The following PTPRT variants were observed in gnomAD, a reference collection of about 807,000 sequenced individuals.
PTPRT encodes the protein protein tyrosine phosphatase receptor type T.
In PTPRT, 56 loss-of-function variants were observed where a neutral mutation model predicts 176.8. The observed-to-expected ratio is 0.32, with a 90% CI of 0.26 to 0.40. The LOEUF (loss-of-function observed/expected upper bound fraction) is 0.40. Ranked by LOEUF, PTPRT falls within the 10% of genes least tolerant of loss-of-function variation. The probability of loss-of-function intolerance (pLI) is 1.00; values close to 1 mark genes in which losing one functional copy is unlikely to be tolerated. For synonymous variants in PTPRT, 783 were observed against 739.0 expected (o/e 1.06, Z -0.96); for missense variants, 1,540 against 1,908.2 (o/e 0.81, Z 3.60).
At chr20:42,360,260 A>G (rs1451185205) in intron 9 of PTPRT, among the ~76,000 whole-genome samples, 1 of 152,048 alleles carries the variant, frequency 6.6e-6, no homozygotes, top group Non-Finnish European at 1.5e-5. Context: ...TGCTCCCTCC[A>G]CCAACACCTC....
In PTPRT at chr20:42,073,706, T is replaced by C. The variant is rs1014995681; in HGVS notation, c.*7173A>G. 1 of 224,598 alleles carries C rather than the reference T, an allele frequency of 4.5e-6. No homozygotes were observed. Among genetic ancestry groups the C allele is most frequent in the Non-Finnish European group, 8.9e-6 (1 of 112,614 alleles). 13.9% of individuals were successfully genotyped at this position (224,598 alleles called of 1,614,324 possible). On this transcript the variant is annotated 3_prime_UTR_variant, in exon 31 of 31. Coordinates refer to ENST00000373187, the MANE Select transcript of PTPRT (RefSeq NM_007050.6). ...CAGTATATGTGGCCACAACAGCATG[T>C]TGGCCTGCTCAGTGGGGGCACTTGG...
At chr20:42,392,746 A>C (rs913323293) in intron 9 of PTPRT, among the ~76,000 whole-genome samples, 1 of 152,198 alleles carries the variant, frequency 6.6e-6, no homozygotes, top group African/African-American at 2.4e-5. Context: ...AGCTTTCAGA[A>C]GGTGGAATTC....
intron 7 of PTPRT, among the ~76,000 whole-genome samples, chr20:42,548,127 T>A (rs1416313004): frequency 6.6e-6 from 1 of 152,070 alleles, no homozygotes. Context: ...TACAATGATA[T>A]AACAAATGTG....
At chr20:42,406,325 T>C (rs1015318222) in intron 9 of PTPRT, among the ~76,000 whole-genome samples, 1 of 151,906 alleles carries the variant, frequency 6.6e-6, no homozygotes, top group African/African-American at 2.4e-5. Context: ...GAGTATAACA[T>C]ATTAAAAAAG....
At chr20:42,394,592 G>A (rs996585783) in intron 9 of PTPRT, among the ~76,000 whole-genome samples, 9 of 152,110 alleles carry the variant, frequency 5.9e-5, no homozygotes, top group East Asian at 1.9e-4. Flanking sequence ...AAGCAATTCC[G>A]CAGCTTAGGA....
intron 2 of PTPRT, among the ~76,000 whole-genome samples, chr20:42,843,653 A>C (rs528762062): frequency 2.4e-3 from 372 of 152,242 alleles, no homozygotes; most frequent in Non-Finnish European, 4.3e-3. Flanking sequence ...GGGGCAGAGC[A>C]CTCCCTCAGG....
intron 13 of PTPRT, among the ~76,000 whole-genome samples, chr20:42,275,068 A>G (rs553128073): frequency 6.6e-6 from 1 of 152,222 alleles, no homozygotes; most frequent in South Asian, 2.1e-4. Flanking sequence ...CCCATCATTA[A>G]GTAATAACGA....
Position 43,117,089 on chromosome 20 carries a change from A to G in PTPRT, c.88+72557T>C, listed in dbSNP as rs1368674102. Among the ~76,000 whole-genome samples, 25 of 152,150 alleles carry G rather than the reference A, an allele frequency of 1.6e-4. 1 individual carries two copies. The highest frequency in any genetic ancestry group is 1.6e-3 in the Admixed American group (25 of 15,286). ...ATGTGTGTTTCTCATGGCAATGACC[A>G]AAACACAAAAGGGGCAAGCAGAGAC... On this transcript the variant is annotated intron_variant, in intron 1 of 30. Coordinates refer to ENST00000373187, the MANE Select transcript of PTPRT (RefSeq NM_007050.6).
At chr20:42,559,762 T>C (rs1208099151) in intron 7 of PTPRT, among the ~76,000 whole-genome samples, 1 of 152,198 alleles carries the variant, frequency 6.6e-6, no homozygotes, top group Non-Finnish European at 1.5e-5. Context: ...ATAATGCAAT[T>C]GTACTTAGCC....
intron 15 of PTPRT, among the ~76,000 whole-genome samples, chr20:42,217,416 CACACACACAG>C (rs1443619692): frequency 2.4e-4 from 22 of 90,228 alleles, no homozygotes; most frequent in Non-Finnish European, 7.0e-5. Context: ...CACACACACA[CACACACACAG>C]AACATTACGT....
At chr20:42,099,246 A>G (rs909776) in intron 26 of PTPRT, among the ~76,000 whole-genome samples, 73,542 of 151,588 alleles carry the variant, frequency 0.49, 19,478 homozygotes, top group African/African-American at 0.71. Context: ...TGGGTGCTAA[A>G]TACTGGCAAG....
chr20:42,989,331 C>T (rs370715961), intron 1 of PTPRT, among the ~76,000 whole-genome samples: 3 of 152,212 alleles, frequency 2.0e-5, no homozygotes, highest in African/African-American at 7.2e-5. Flanking sequence ...CATGAAAACA[C>T]AGAGATCAGG....
intron 9 of PTPRT, among the ~76,000 whole-genome samples, chr20:42,399,033 C>T (rs151196895): frequency 6.6e-6 from 1 of 152,318 alleles, no homozygotes; most frequent in East Asian, 1.9e-4. Flanking sequence ...AGAAAGGTGG[C>T]CCCAGACACT....
At chr20:42,369,020 C>T (rs2145591729) in intron 9 of PTPRT, among the ~76,000 whole-genome samples, 1 of 151,264 alleles carries the variant, frequency 6.6e-6, no homozygotes, top group Non-Finnish European at 1.5e-5. Flanking sequence ...TACCTTTTCC[C>T]CTTCCTTCCT....
chr20:42,224,038 C>T (rs2055947553), intron 15 of PTPRT, among the ~76,000 whole-genome samples: 1 of 152,072 alleles, frequency 6.6e-6, no homozygotes, highest in South Asian at 2.1e-4. Context: ...TGTAATATAC[C>T]CACCAATTCC....
chr20:42,072,452 C>A (rs1459973991), downstream of PTPRT, among the ~76,000 whole-genome samples: 1 of 152,218 alleles, frequency 6.6e-6, no homozygotes, highest in Non-Finnish European at 1.5e-5. Flanking sequence ...ATTCTCTGGG[C>A]TTAGGAATCT....
chr20:42,400,796 T>A (rs2058898483), intron 9 of PTPRT, among the ~76,000 whole-genome samples: 1 of 152,140 alleles, frequency 6.6e-6, no homozygotes, highest in East Asian at 1.9e-4. Flanking sequence ...GCAGGTAGTG[T>A]GACATGATCA....
chr20:42,336,317 A>G (rs2058039053), intron 11 of PTPRT, among the ~76,000 whole-genome samples: 1 of 152,184 alleles, frequency 6.6e-6, no homozygotes, highest in Non-Finnish European at 1.5e-5. Context: ...AAATAAATAG[A>G]TAATGTCTGC....
intron 15 of PTPRT, among the ~76,000 whole-genome samples, chr20:42,220,740 C>G (rs1186542772): frequency 2.0e-5 from 3 of 152,114 alleles, no homozygotes; most frequent in Non-Finnish European, 4.4e-5. Flanking sequence ...CTCCAAGGTA[C>G]AACCCTTTTT....
Sources: allele counts gnomAD v4.1 joint callset (sites outside exome capture counted in the v4.1 genomes callset), GRCh38; gene constraint gnomAD v4.1.1; transcripts MANE v1.5; gene names NCBI Gene and HGNC (gene_info 2026-07-23, HGNC 2026-07-21).